The following BABAM2 variants were observed in gnomAD, a reference collection of about 807,000 sequenced individuals.
The protein encoded by BABAM2 is BRISC and BRCA1-A complex member 2.
BABAM2 carries 31 observed loss-of-function variants against 54.7 expected under a neutral mutation model. The observed-to-expected ratio is 0.57, with a 90% CI of 0.43 to 0.77. The LOEUF is 0.77. BABAM2 is among the 30% of genes least tolerant of loss of function. The probability of loss-of-function intolerance (pLI) is 0.00; values close to 1 mark genes in which losing one functional copy is unlikely to be tolerated. For synonymous variants in BABAM2, 167 were observed against 162.9 expected (o/e 1.03, Z -0.19); for missense variants, 364 against 455.8 (o/e 0.80, Z 1.83).
chr2:28,256,190 T>C (rs969793459), intron 10 of BABAM2, among the ~76,000 whole-genome samples: 2 of 152,238 alleles, frequency 1.3e-5, no homozygotes, highest in African/African-American at 4.8e-5. Flanking sequence ...ATAGCTTCTT[T>C]GTTAACACAT....
intron 11 of BABAM2, among the ~76,000 whole-genome samples, chr2:28,301,268 A>T (rs1380086178): frequency 6.6e-6 from 1 of 152,196 alleles, no homozygotes; most frequent in African/African-American, 2.4e-5. Context: ...GCAAAATTCT[A>T]AACAATGTAA....
At chr2:27,927,466 G>T (rs927545908) in intron 2 of BABAM2, among the ~76,000 whole-genome samples, 1 of 152,150 alleles carries the variant, frequency 6.6e-6, no homozygotes, top group Non-Finnish European at 1.5e-5. Flanking sequence ...CTTAGTGTTG[G>T]TTATAGGGCT....
At chr2:28,077,876 A>G (rs1305056934) in intron 6 of BABAM2, among the ~76,000 whole-genome samples, 1 of 152,148 alleles carries the variant, frequency 6.6e-6, no homozygotes, top group African/African-American at 2.4e-5. Context: ...AAAATTAAAT[A>G]CCAACAGAGA....
intron 3 of BABAM2, among the ~76,000 whole-genome samples, chr2:27,986,251 TA>T (rs1672389870): frequency 6.6e-6 from 1 of 152,192 alleles, no homozygotes; most frequent in African/African-American, 2.4e-5. Flanking sequence ...TACTTGGTGA[TA>T]ATATGTATTA....
At chr2:27,928,677 G>A (rs1482467223) in intron 2 of BABAM2, among the ~76,000 whole-genome samples, 1 of 151,876 alleles carries the variant, frequency 6.6e-6, no homozygotes, top group Non-Finnish European at 1.5e-5. Context: ...AGCCAGTTTT[G>A]GAATTATGAA....
chr2:27,913,778 T>A (rs1180847605), intron 2 of BABAM2, among the ~76,000 whole-genome samples: 1 of 152,184 alleles, frequency 6.6e-6, no homozygotes, highest in Non-Finnish European at 1.5e-5. Context: ...AAGATCACCT[T>A]TTTTTGATGT....
chr2:28,020,078 T>A (rs997244262), intron 4 of BABAM2, among the ~76,000 whole-genome samples: 13 of 152,242 alleles, frequency 8.5e-5, no homozygotes, highest in African/African-American at 3.1e-4. Context: ...GGAAATGTTC[T>A]GCAAGGCTCA....
chr2:28,154,816 T>A (rs1672396098), intron 7 of BABAM2, among the ~76,000 whole-genome samples: 1 of 152,198 alleles, frequency 6.6e-6, no homozygotes, highest in Admixed American at 6.5e-5. Flanking sequence ...AAAATGTGGC[T>A]ATGGGAGATA....
chr2:28,013,507 G>A (rs548422231), intron 4 of BABAM2: 16 of 416,686 alleles, frequency 3.8e-5, no homozygotes, highest in Middle Eastern at 4.3e-4. Flanking sequence ...AGCTACAAAG[G>A]TATTTGTGCA....
intron 10 of BABAM2, among the ~76,000 whole-genome samples, chr2:28,255,243 G>C (rs1683870338): frequency 6.6e-6 from 1 of 152,054 alleles, no homozygotes; most frequent in East Asian, 1.9e-4. Flanking sequence ...AGGAGAAAAA[G>C]TGTTTTTAGT....
At chr2:28,204,702 G>T (rs1183375227) in intron 7 of BABAM2, among the ~76,000 whole-genome samples, 2 of 152,052 alleles carry the variant, frequency 1.3e-5, no homozygotes, top group African/African-American at 4.8e-5. Context: ...AACCTTTATT[G>T]AATGCTTACT....
At chr2:28,059,462 G>A (rs904986679) in intron 6 of BABAM2, among the ~76,000 whole-genome samples, 2 of 152,080 alleles carry the variant, frequency 1.3e-5, no homozygotes, top group African/African-American at 4.8e-5. Flanking sequence ...AAGCAGGATG[G>A]GATATGATTT....
At chr2:28,157,072 G>T (rs1672610755) in intron 7 of BABAM2, among the ~76,000 whole-genome samples, 1 of 152,182 alleles carries the variant, frequency 6.6e-6, no homozygotes, top group African/African-American at 2.4e-5. Flanking sequence ...AAAACTGTAA[G>T]ACTTTTTTCC....
rs539582008 is a variant in BABAM2, at chr2:28,107,850, G to A, written c.571-21421G>A. 4.6e-5 allele frequency among the ~76,000 whole-genome samples: 7 copies of A among 152,290 alleles called. No individual in the cohort carries two copies. The East Asian group carries it at 9.6e-4, about 21-fold the overall frequency. On this transcript the variant is annotated intron_variant, in intron 6 of 11. Coordinates refer to ENST00000379624, the MANE Select transcript of BABAM2 (RefSeq NM_199191.3). The stretch of plus-strand genomic sequence containing the variant: ...CATAGTGGGGCATTAATACATGTTT[G>A]TTGAATGAATTCTGTATTAATGAAT...
intron 7 of BABAM2, among the ~76,000 whole-genome samples, chr2:28,183,028 A>G (rs548838298): frequency 1.3e-5 from 2 of 152,344 alleles, no homozygotes; most frequent in South Asian, 4.1e-4. Flanking sequence ...TGTCAGTAAT[A>G]AAGTAGGGAC....
chr2:28,286,670 C>T (rs1686845532), intron 10 of BABAM2, among the ~76,000 whole-genome samples: 1 of 152,210 alleles, frequency 6.6e-6, no homozygotes, highest in African/African-American at 2.4e-5. Context: ...CTGCTCAAAG[C>T]AGTCTCATCT....
intron 9 of BABAM2, among the ~76,000 whole-genome samples, chr2:28,241,868 T>A (rs1573913952): frequency 6.7e-6 from 1 of 149,816 alleles, no homozygotes; most frequent in East Asian, 1.9e-4. Flanking sequence ...GGATCCCTTT[T>A]TTTTTTTTTT....
chr2:28,250,259 G>T (rs991044579), intron 10 of BABAM2, among the ~76,000 whole-genome samples: 8 of 151,412 alleles, frequency 5.3e-5, no homozygotes, highest in African/African-American at 1.7e-4. Flanking sequence ...GCAGCAAAGA[G>T]CTCTGCTGAA....
At chr2:27,889,977 A>G, upstream of BABAM2, 1 of 339,232 alleles carries the variant, frequency 2.9e-6, no homozygotes, top group South Asian at 8.1e-5. Context: ...TTGGGGGCGC[A>G]AGTCTTTGGA....
Sources: gnomAD v4.1 joint callset for allele counts (sites outside exome capture counted in the v4.1 genomes callset) on GRCh38, gnomAD v4.1.1 for gene constraint, MANE v1.5 for transcripts, NCBI Gene and HGNC (gene_info 2026-07-23, HGNC 2026-07-21) for gene names.